The following FLT1 variants were observed in gnomAD, a reference collection of about 807,000 sequenced individuals.
The protein encoded by FLT1 is vascular endothelial growth factor receptor 1.
FLT1 carries 49 observed loss-of-function variants against 156.3 expected under a neutral mutation model. The ratio of observed to expected loss-of-function variants is 0.31; its 90% CI spans 0.25 to 0.40. The LOEUF (loss-of-function observed/expected upper bound fraction) is 0.40, where lower values mean the gene tolerates loss of function less well. Among genes scored for constraint, FLT1 ranks in the 10% least tolerant of loss-of-function variants. The probability of loss-of-function intolerance (pLI) is 1.00; values close to 1 mark genes in which losing one functional copy is unlikely to be tolerated. For synonymous variants in FLT1, 594 were observed against 583.8 expected, an observed-to-expected ratio of 1.02 and a Z score of -0.25; for missense variants, 1,322 against 1,637.2, an observed-to-expected ratio of 0.81 and a Z score of 3.32.
At chr13:28,460,797 TACACACACACAC>T (rs369507550) in intron 3 of FLT1, among the ~76,000 whole-genome samples, 1 of 145,930 alleles carries the variant, frequency 6.9e-6, no homozygotes. Context: ...TCAGACCCAT[TACACACACACAC>T]ACACACACAC....
chr13:28,372,796 C>T (rs981260218), intron 14 of FLT1, among the ~76,000 whole-genome samples: 6 of 151,482 alleles, frequency 4.0e-5, no homozygotes, highest in African/African-American at 1.5e-4. Context: ...GCAGGAGAAT[C>T]GCTTGAACCC....
intron 3 of FLT1, among the ~76,000 whole-genome samples, chr13:28,462,522 T>A (rs1306271136): frequency 1.3e-5 from 2 of 152,224 alleles, no homozygotes; most frequent in East Asian, 1.9e-4. Flanking sequence ...GTAGCTATAA[T>A]TAGATTCAAT....
Position 28,322,548 on chromosome 13 carries a change from C to G in FLT1, c.2954-189G>C. 1.4e-6 allele frequency: 1 copy of G among 722,264 alleles called. No individual in the cohort carries two copies. Among genetic ancestry groups the G allele is most frequent in the Non-Finnish European group, 2.5e-6 (1 of 403,640 alleles). The allele number at this position is 722,264 out of a possible 1,614,324, so 44.7% of individuals were successfully genotyped here. On this transcript the variant is annotated intron_variant, in intron 21 of 29. Coordinates refer to ENST00000282397, the MANE Select transcript of FLT1 (RefSeq NM_002019.4). The surrounding 1 kb of genome is among the most constrained non-coding windows in gnomAD (Gnocchi z 4.3). Reference sequence around the variant, plus strand: ...AGGCCTCCAGCCCACTTTATCCAAGCATGGGGGCAGGGGGATGATCCATTA... The same window carrying G: ...AGGCCTCCAGCCCACTTTATCCAAGGATGGGGGCAGGGGGATGATCCATTA...
intron 3 of FLT1, among the ~76,000 whole-genome samples, chr13:28,451,391 C>T (rs543825062): frequency 1.1e-4 from 17 of 152,344 alleles, no homozygotes; most frequent in Admixed American, 4.6e-4. Context: ...CCACTGCCCT[C>T]CAGCCCGGGT....
At chr13:28,412,350 C>CTTTCTTTCTCTTTCTTTCTT (rs71086853) in intron 10 of FLT1, among the ~76,000 whole-genome samples, 41 of 93,792 alleles carry the variant, frequency 4.4e-4, no homozygotes, top group Non-Finnish European at 7.9e-4. Context: ...TTCTTTCTTT[C>CTTTCTTTCTCTTTCTTTCTT]TCTTTCTTTC....
chr13:28,322,400 G>A lies in FLT1; in HGVS notation c.2954-41C>T. 7.9e-7 allele frequency: 1 copy of A among 1,264,114 alleles called. No individual in the cohort carries two copies. Among genetic ancestry groups the A allele is most frequent in the Non-Finnish European group, 1.2e-6 (1 of 861,350 alleles). The allele number at this position is 1,264,114 out of a possible 1,614,324, so 78.3% of individuals were successfully genotyped here. A position where few individuals can be genotyped will look rare whatever the true frequency, so the allele number is the denominator to read the frequency against. ...ACCGTAACTGTTTGTAATGGCTCTT[G>A]TTATCCCACCAAATCCCAGTTTATT... is the stretch of plus-strand genomic sequence containing the variant. On this transcript the variant is annotated intron_variant, in intron 21 of 29. Transcript: ENST00000282397. This position sits in a 1 kb window ranked among gnomAD's most constrained non-coding sequence, Gnocchi z 4.3.
chr13:28,345,562 A>G lies in FLT1; in HGVS notation c.2249-11T>C. ...ACTTGTCCGAGGTTCCTGGAGAGAAAAAAAATCACAATAGTGGTGCAACAA... is the reference window on the plus strand; with the variant it reads ...ACTTGTCCGAGGTTCCTGGAGAGAAGAAAAATCACAATAGTGGTGCAACAA... On this transcript the variant is annotated splice_polypyrimidine_tract_variant and intron_variant, in intron 15 of 29. Coordinates refer to ENST00000282397, the MANE Select transcript of FLT1 (RefSeq NM_002019.4). 6.7e-7 allele frequency: 1 copy of G among 1,496,896 alleles called. No individual in the cohort carries two copies. The highest frequency in any genetic ancestry group is 1.1e-5 in the South Asian group (1 of 86,978). The allele number at this position is 1,496,896 out of a possible 1,614,324, so 92.7% of individuals were successfully genotyped here.
At chr13:28,430,011 G>A (rs1877579895) in intron 8 of FLT1, 39 bp downstream of exon 8, 4 of 1,321,300 alleles carry the variant, frequency 3.0e-6, no homozygotes, top group African/African-American at 1.4e-5. Context: ...CACTTACAAA[G>A]TATGTCTTAA....
intron 14 of FLT1, among the ~76,000 whole-genome samples, chr13:28,372,923 A>G (rs1372915990): frequency 6.6e-6 from 1 of 152,132 alleles, no homozygotes; most frequent in East Asian, 1.9e-4. Context: ...ACATTAAGAC[A>G]TGAAACTGTA....
intron 13 of FLT1, chr13:28,385,797 C>T (rs950236016): frequency 2.9e-6 from 3 of 1,040,360 alleles, no homozygotes; most frequent in African/African-American, 1.7e-5. Context: ...AGATGCAATA[C>T]ATTACAACAT....
chr13:28,348,604 C>A (rs151155165), intron 15 of FLT1, among the ~76,000 whole-genome samples: 363 of 152,258 alleles, frequency 2.4e-3, no homozygotes, highest in African/African-American at 8.3e-3. Flanking sequence ...TAAAGAGTTT[C>A]ATGAGGGTTT....
intron 25 of FLT1, among the ~76,000 whole-genome samples, chr13:28,313,659 T>C (rs1871092819): frequency 6.6e-6 from 1 of 152,104 alleles, no homozygotes; most frequent in African/African-American, 2.4e-5. Context: ...AAGAGATAAC[T>C]CTGCTCCTTC....
chr13:28,334,144 A>G lies in FLT1; in HGVS notation c.2489-15T>C. ...AAGTGATTTGCCTGTAATGAAGAGAAGACACTGGTTTGTTTGCCGAGGCAA... is the reference window on the plus strand; with the variant it reads ...AAGTGATTTGCCTGTAATGAAGAGAGGACACTGGTTTGTTTGCCGAGGCAA... On this transcript the variant is annotated splice_polypyrimidine_tract_variant and intron_variant, in intron 17 of 29. Coordinates refer to ENST00000282397, the MANE Select transcript of FLT1 (RefSeq NM_002019.4). 6.4e-7 allele frequency: 1 copy of G among 1,562,510 alleles called. No individual in the cohort carries two copies. Among genetic ancestry groups the G allele is most frequent in the Non-Finnish European group, 8.8e-7 (1 of 1,132,796 alleles).
At chr13:28,494,502 C>A (rs1231053179) in intron 1 of FLT1, among the ~76,000 whole-genome samples, 1 of 152,170 alleles carries the variant, frequency 6.6e-6, no homozygotes, top group African/African-American at 2.4e-5. Flanking sequence ...AAGGGATCAG[C>A]GATCCTGTCG....
At chr13:28,315,161 A>G (rs887071302) in intron 25 of FLT1, among the ~76,000 whole-genome samples, 18 of 152,226 alleles carry the variant, frequency 1.2e-4, no homozygotes, top group African/African-American at 4.3e-4. Context: ...CCTACTTTAT[A>G]GGACTGTTAT....
At position 28,389,973 on chromosome 13, in the gene FLT1, T is replaced by G. The variant is rs745573549; in HGVS notation, c.1792A>C (p.Arg598=). The G allele has an allele frequency of 6.2e-7, 1 of 1,614,200 alleles. No individual in the cohort carries two copies. Among genetic ancestry groups the G allele is most frequent in the South Asian group, 1.1e-5 (1 of 91,082 alleles). ...TTGCTAATACTGTAGTGCATTGTTCTGTTATTAACTGTCCGCAGTAAAATC... is the reference window on the plus strand; with the variant it reads ...TTGCTAATACTGTAGTGCATTGTTCGGTTATTAACTGTCCGCAGTAAAATC... ...TWILLRTVNN[R]TMHYSISKQK... The change falls in exon 13 of 30, where the codon AGA becomes CGA. Residue 598 remains arginine (R), a synonymous_variant. Coordinates refer to ENST00000282397, the MANE Select transcript of FLT1 (RefSeq NM_002019.4).
rs768791628 is a variant in FLT1, at chr13:28,434,013, AC to A, written c.676+44del. On this transcript the variant is annotated intron_variant, in intron 5 of 29. Coordinates refer to ENST00000282397, the MANE Select transcript of FLT1 (RefSeq NM_002019.4). ...AAGATTTCATTACACAGATAAAAAT[AC>A]AGAGCACTTCGGCTTATGTTCATGC... The A allele has an allele frequency of 3.1e-6, 5 of 1,613,948 alleles. No homozygotes were observed. In the South Asian group the frequency reaches 5.5e-5, roughly 18 times the overall value.
chr13:28,337,501 T>C (rs564675334), intron 17 of FLT1, among the ~76,000 whole-genome samples: 1 of 152,232 alleles, frequency 6.6e-6, no homozygotes, highest in Non-Finnish European at 1.5e-5. Flanking sequence ...CCCACGTTAA[T>C]CAATCAGAGG....
Position 28,434,103 on chromosome 13 carries a change from C to T in FLT1, c.631G>A (p.Val211Ile), listed in dbSNP as rs764338678. The T allele has an allele frequency of 6.8e-6, 11 of 1,614,054 alleles. No individual in the cohort carries two copies. The Admixed American group carries it at 1.5e-4, about 22-fold the overall frequency. The change falls in exon 5 of 30, where the codon GTC becomes ATC. Residue 211 changes from valine (V) to isoleucine (I), a missense_variant. By Grantham distance (29) the Val-to-Ile change is conservative. Around this residue, in one of 3 missense-constraint regions of FLT1, gnomAD observed 991 missense variants for 1,254.8 expected, o/e 0.79. Coordinates refer to ENST00000282397, the MANE Select transcript of FLT1 (RefSeq NM_002019.4). ...EIGLLTCEAT[V>I]NGHLYKTNYL... ...TTTGTCTTATACAAATGCCCATTGA[C>T]TGTTGCTTCACAGGTCAGAAGCCCT...
Sources: gnomAD v4.1 joint callset for allele counts (sites outside exome capture counted in the v4.1 genomes callset) on GRCh38, gnomAD v4.1.1 for gene constraint, gnomAD v4.1.1 regional missense constraint, Gnocchi (gnomAD v3.1) non-coding constraint, MANE v1.5 for transcripts, NCBI Gene and HGNC (gene_info 2026-07-23, HGNC 2026-07-21) for gene names.